Variants in TRDN observed in about 807,000 individuals in gnomAD.
The protein encoded by TRDN is triadin in skeletal muscle.
Under a neutral mutation model 149.7 loss-of-function variants are expected in TRDN, and 161 were observed. The observed-to-expected ratio is 1.08, with a 90% CI of 0.95 to 1.23. The LOEUF (loss-of-function observed/expected upper bound fraction) is 1.23. Ranked by LOEUF, TRDN falls within the 50% of genes most tolerant of loss-of-function variation. The pLI is 0.00. For missense variants in TRDN, 896 were observed against 823.5 expected (o/e 1.09, Z -1.08); for synonymous variants, 294 against 250.5 (o/e 1.17, Z -1.64).
intron 2 of TRDN, among the ~76,000 whole-genome samples, chr6:123,554,547 G>A (rs1247754910): frequency 6.6e-6 from 1 of 151,996 alleles, no homozygotes; most frequent in Non-Finnish European, 1.5e-5. Flanking sequence ...AAAAATTTTA[G>A]CAAATTATGT....
In TRDN at chr6:123,503,746, C is replaced by T. The variant is rs1562351300; in HGVS notation, c.766G>A (p.Ala256Thr). ...KPKEKEDKEKAAVSKHEQKDQ... is the reference protein window; with the variant it reads ...KPKEKEDKEKTAVSKHEQKDQ... ...TTCTGTTCATGCTTTGACACAGCTG[C>T]TTTCTCTTTGTCCTCCTTTTCTTTG... The change falls in exon 8 of 41, where the codon GCA becomes ACA. Residue 256 changes from alanine to threonine, a missense_variant. Coordinates refer to ENST00000334268, the MANE Select transcript of TRDN (RefSeq NM_006073.4). 1.2e-6 allele frequency: 2 copies of T among 1,613,736 alleles called. No homozygotes were observed. Among genetic ancestry groups the T allele is most frequent in the Middle Eastern group, 1.7e-4 (1 of 6,060 alleles).
rs578110301 is a variant in TRDN at position 123,590,890 on chromosome 6, C to T, written c.23-19758G>A. 2.6e-5 allele frequency among the ~76,000 whole-genome samples: 4 copies of T among 152,278 alleles called. No homozygotes were observed. The South Asian group carries it at 8.3e-4, about 32-fold the overall frequency. On this transcript the variant is annotated intron_variant, in intron 1 of 40. Coordinates refer to ENST00000334268, the MANE Select transcript of TRDN (RefSeq NM_006073.4). ...AAAAATTGTCTTCCACAAAACTGGT[C>T]TCTGGTGCCAAAAAGAATGGAAACC...
chr6:123,258,286 C>A (rs1002560120), intron 35 of TRDN, among the ~76,000 whole-genome samples: 2 of 152,114 alleles, frequency 1.3e-5, no homozygotes, highest in Non-Finnish European at 2.9e-5. Flanking sequence ...ATAAAAAGCT[C>A]TTCTTATTTT....
intron 35 of TRDN, among the ~76,000 whole-genome samples, chr6:123,257,222 C>T (rs572272166): frequency 1.3e-5 from 2 of 152,156 alleles, no homozygotes; most frequent in African/African-American, 2.4e-5. Context: ...TCGTGATCCG[C>T]CCACATCAGC....
chr6:123,218,699 T>G lies in TRDN; in HGVS notation c.2092A>C (p.Asn698His), dbSNP rs777779916. Reference protein sequence around the residue: ...FFQCVYLDGYNGYGFQFPFTP... With the variant: ...FFQCVYLDGYHGYGFQFPFTP... ...AAAGGAAACTGAAATCCATAGCCAT[T>G]GTACCCATCCAAGTAGACACACTGG... The change falls in exon 41 of 41, where the codon AAT becomes CAT. Residue 698 changes from asparagine to histidine, a missense_variant. Coordinates refer to ENST00000334268, the MANE Select transcript of TRDN (RefSeq NM_006073.4). 4.4e-6 allele frequency: 7 copies of G among 1,596,184 alleles called. No homozygotes were observed. In the South Asian group the frequency reaches 7.9e-5, roughly 18 times the overall value.
intron 19 of TRDN, among the ~76,000 whole-genome samples, chr6:123,372,501 G>T (rs1356458902): frequency 1.3e-5 from 2 of 151,986 alleles, no homozygotes; most frequent in Non-Finnish European, 2.9e-5. Flanking sequence ...GGGCTTTGGT[G>T]GCTATTTTCC....
intron 2 of TRDN, among the ~76,000 whole-genome samples, chr6:123,549,957 G>C (rs1781304575): frequency 6.6e-6 from 1 of 152,002 alleles, no homozygotes; most frequent in Non-Finnish European, 1.5e-5. Context: ...GGACTGGAGA[G>C]AAACAAGATT....
At chr6:123,408,594 C>T (rs189426835) in intron 12 of TRDN, among the ~76,000 whole-genome samples, 1,804 of 151,600 alleles carry the variant, frequency 0.012, 22 homozygotes, top group Non-Finnish European at 0.018. Context: ...AGGAGAATTG[C>T]TTGAACCCAG....
chr6:123,354,467 A>G (rs901611622), intron 20 of TRDN, among the ~76,000 whole-genome samples: 1 of 151,854 alleles, frequency 6.6e-6, no homozygotes, highest in African/African-American at 2.4e-5. Context: ...CTGTTTATTC[A>G]TCCAATCTTA....
At chr6:123,350,315 G>A in intron 21 of TRDN, 1 of 951,320 alleles carries the variant, frequency 1.1e-6, no homozygotes, top group Non-Finnish European at 1.3e-6. Context: ...TTTAAGTCCA[G>A]AGATTCAATA....
chr6:123,548,170 A>G (rs959556465), intron 3 of TRDN, among the ~76,000 whole-genome samples: 5 of 152,042 alleles, frequency 3.3e-5, no homozygotes, highest in Admixed American at 6.6e-5. Flanking sequence ...TTGTGGTTTT[A>G]TAGCAGAGCA....
chr6:123,530,549 CTT>C lies in TRDN; in HGVS notation c.439_440del (p.Lys147AspfsTer2), dbSNP rs2114339116. 1 of 1,254,242 alleles carries C rather than the reference CTT, an allele frequency of 8.0e-7. No homozygotes were observed. 77.7% of individuals were successfully genotyped at this position (1,254,242 alleles called of 1,614,324 possible). The stretch of plus-strand genomic sequence containing the variant: ...TTTCAGGTTTCTCTTGTTTTTCAGT[CTT>C]ATCTTTGTGTATTTCTAAGAAAAAA... ...PLRKKEIHKDKTEKQEKPERK... is the reference protein window; with the variant it reads ...PLRKKEIHKDXTEKQEKPERK... On this transcript the variant is annotated frameshift_variant, in exon 5 of 41. Transcript: ENST00000334268. LOFTEE classifies it high-confidence loss of function.
At chr6:123,459,905 C>T (rs140715745) in intron 10 of TRDN, among the ~76,000 whole-genome samples, 11 of 152,234 alleles carry the variant, frequency 7.2e-5, no homozygotes, top group South Asian at 4.1e-4. Context: ...TTGATTTCTC[C>T]GATCTTCTCT....
intron 21 of TRDN, chr6:123,350,296 T>C (rs1698640073): frequency 2.1e-6 from 2 of 947,800 alleles, no homozygotes; most frequent in African/African-American, 1.8e-5. Flanking sequence ...TACTGGAATA[T>C]CCATAGTATT....
intron 1 of TRDN, among the ~76,000 whole-genome samples, chr6:123,626,081 G>A (rs1280049944): frequency 6.6e-6 from 1 of 152,136 alleles, no homozygotes; most frequent in African/African-American, 2.4e-5. Flanking sequence ...TCTACTCTAT[G>A]TTATATTCTA....
In TRDN at chr6:123,260,645, A is replaced by AG. The variant is rs1491044417; in HGVS notation, c.1805-8_1805-7insC. 2 of 780,312 alleles carry AG rather than the reference A, an allele frequency of 2.6e-6. No individual in the cohort carries two copies. The highest frequency in any genetic ancestry group is 7.9e-5 in the Admixed American group (1 of 12,636). The allele number at this position is 780,312 out of a possible 1,614,324, so 48.3% of individuals were successfully genotyped here. A position where few individuals can be genotyped will look rare whatever the true frequency, so the allele number is the denominator to read the frequency against. On this transcript the variant is annotated splice_polypyrimidine_tract_variant and splice_region_variant and intron_variant, in intron 33 of 40. Transcript: ENST00000334268. The stretch of plus-strand genomic sequence containing the variant: ...GTGACTTCTGATGTTCCTTCTTTAG[A>AG]AAAAAAAAAAAAAAGAATGTAGAAA...
intron 12 of TRDN, among the ~76,000 whole-genome samples, chr6:123,399,592 T>C (rs1011191751): frequency 2.6e-5 from 4 of 152,184 alleles, no homozygotes; most frequent in African/African-American, 9.7e-5. Context: ...TTTCTTGAGA[T>C]GCCAGAGAAA....
chr6:123,438,219 G>A (rs1237513173), intron 11 of TRDN, 97 bp from the exon 12 acceptor site: 2 of 844,254 alleles, frequency 2.4e-6, no homozygotes, highest in Non-Finnish European at 3.6e-6. Context: ...AATTTATCTT[G>A]TATAGAGAAA....
At chr6:123,301,764 T>TATAC (rs200104784) in intron 24 of TRDN, among the ~76,000 whole-genome samples, 1,428 of 80,622 alleles carry the variant, frequency 0.018, 55 homozygotes, top group South Asian at 0.15. Context: ...TATATATATA[T>TATAC]ATATACATAT....
Sources: allele counts gnomAD v4.1 joint callset (sites outside exome capture counted in the v4.1 genomes callset), GRCh38; gene constraint gnomAD v4.1.1; transcripts MANE v1.5; gene names NCBI Gene and HGNC (gene_info 2026-07-23, HGNC 2026-07-21).